EMCN: variants seen among roughly 807,000 people sequenced by gnomAD.
EMCN encodes MUC-14.
EMCN carries 37 observed loss-of-function variants against 38.4 expected under a neutral mutation model. The ratio of observed to expected loss-of-function variants is 0.96; its 90% CI spans 0.74 to 1.27. The LOEUF (loss-of-function observed/expected upper bound fraction) is 1.27. Among genes scored for constraint, EMCN ranks in the 50% most tolerant of loss-of-function variants. EMCN has a pLI of 0.00. For missense variants in EMCN, 318 were observed against 302.8 expected, an observed-to-expected ratio of 1.05 and a Z score of -0.37; for synonymous variants, 95 against 100.8, an observed-to-expected ratio of 0.94 and a Z score of 0.35.
At chr4:100,433,962 A>G (rs112504972) in intron 5 of EMCN, among the ~76,000 whole-genome samples, 4,694 of 152,268 alleles carry the variant, frequency 0.031, 252 homozygotes, top group African/African-American at 0.11. Context: ...CACAATTAAA[A>G]GAACTAGAGA....
At chr4:100,419,181 G>C (rs970807361) in intron 8 of EMCN, among the ~76,000 whole-genome samples, 1 of 152,054 alleles carries the variant, frequency 6.6e-6, no homozygotes, top group South Asian at 2.1e-4. Flanking sequence ...TTTGGTTAAA[G>C]TTCAGTCCAC....
intron 1 of EMCN, among the ~76,000 whole-genome samples, chr4:100,516,938 TCA>T (rs951778559): frequency 1.3e-5 from 2 of 152,128 alleles, no homozygotes; most frequent in Non-Finnish European, 2.9e-5. Context: ...TCTTCAATTT[TCA>T]CACTTATTAA....
chr4:100,494,666 G>A (rs1488077405), intron 1 of EMCN, among the ~76,000 whole-genome samples: 1 of 152,054 alleles, frequency 6.6e-6, no homozygotes. Context: ...CACATGGTCA[G>A]GTGTACCCTT....
chr4:100,439,938 A>G (rs1727463869), intron 5 of EMCN, among the ~76,000 whole-genome samples: 1 of 152,004 alleles, frequency 6.6e-6, no homozygotes, highest in African/African-American at 2.4e-5. Flanking sequence ...TGGATTTTCA[A>G]GATTCCTCTT....
chr4:100,494,064 C>T (rs536551448), intron 1 of EMCN, among the ~76,000 whole-genome samples: 1 of 152,156 alleles, frequency 6.6e-6, no homozygotes, highest in Non-Finnish European at 1.5e-5. Flanking sequence ...CCCAGTTTCT[C>T]CACATTGGAT....
chr4:100,512,873 T>C (rs1199038667), intron 1 of EMCN, among the ~76,000 whole-genome samples: 1 of 151,986 alleles, frequency 6.6e-6, no homozygotes, highest in Non-Finnish European at 1.5e-5. Context: ...CATGTTGTTC[T>C]TAAAGACAAA....
intron 10 of EMCN, among the ~76,000 whole-genome samples, chr4:100,413,202 CAAAT>C (rs1402740692): frequency 1.3e-5 from 2 of 152,100 alleles, no homozygotes; most frequent in African/African-American, 4.8e-5. Context: ...GGTCTTGAAA[CAAAT>C]AAAGTAAATT....
At chr4:100,512,603 G>A (rs1455224752) in intron 1 of EMCN, among the ~76,000 whole-genome samples, 5 of 152,006 alleles carry the variant, frequency 3.3e-5, no homozygotes, top group African/African-American at 7.2e-5. Context: ...TCAGGAGTTC[G>A]CAACCAGTCT....
chr4:100,516,356 C>T (rs1279575026), intron 1 of EMCN, among the ~76,000 whole-genome samples: 5 of 151,956 alleles, frequency 3.3e-5, no homozygotes, highest in South Asian at 2.1e-4. Context: ...ACAATGCCGG[C>T]AAAGTATTGC....
In EMCN at chr4:100,411,754, T is replaced by A. The variant is rs73833315; in HGVS notation, c.752-1399A>T. ...TAGTTTCAGCCATGAAGAAATATTA[T>A]AAGGCAGTAATATATGTTAATTTGC... On this transcript the variant is annotated intron_variant, in intron 10 of 11. Transcript: ENST00000296420. Among the ~76,000 whole-genome samples, 1,493 of 152,298 alleles carry A rather than the reference T, an allele frequency of 9.8e-3. 14 individuals are homozygous for A. Among genetic ancestry groups the A allele is most frequent in the African/African-American group, 0.024 (981 of 41,554 alleles).
intron 4 of EMCN, among the ~76,000 whole-genome samples, chr4:100,463,848 G>A (rs1000121858): frequency 5.9e-5 from 9 of 152,188 alleles, no homozygotes; most frequent in Admixed American, 1.3e-4. Flanking sequence ...AAATTGGGTT[G>A]TGTCCTCTAA....
chr4:100,481,687 A>G lies in EMCN; in HGVS notation c.65-1648T>C, dbSNP rs748924624. 1.3e-5 allele frequency among the ~76,000 whole-genome samples: 2 copies of G among 152,076 alleles called. 1 individual carries two copies. The highest frequency in any genetic ancestry group is 2.9e-5 in the Non-Finnish European group (2 of 67,978). On this transcript the variant is annotated intron_variant, in intron 1 of 11. Coordinates refer to ENST00000296420, the MANE Select transcript of EMCN (RefSeq NM_016242.4). Reference sequence around the variant, plus strand: ...CCTTAACTTCTATGATGTAACACTAATTTTAAATTTCATATTGAGGTTGAA... The same window carrying G: ...CCTTAACTTCTATGATGTAACACTAGTTTTAAATTTCATATTGAGGTTGAA...
At chr4:100,490,549 ACT>A (rs1214378726) in intron 1 of EMCN, among the ~76,000 whole-genome samples, 1 of 152,090 alleles carries the variant, frequency 6.6e-6, no homozygotes, top group Non-Finnish European at 1.5e-5. Flanking sequence ...ATACAGGTGT[ACT>A]GTTTTTACTG....
At position 100,421,375 on chromosome 4, in the gene EMCN, T is replaced by C; in HGVS notation, c.571A>G (p.Ile191Val). ...AAAGCAATAACCACCGGCAAAATAA[T>C]ACCTAAAAAGAATTGGAGACATTGT... The part of the protein sequence containing the change: ...TSATSRSYSS[I>V]ILPVVIALIV... The change falls in exon 8 of 12, where the codon ATT becomes GTT. Residue 191 changes from isoleucine (I) to valine (V), a missense_variant and splice_region_variant. Physicochemically the swap from Ile to Val is conservative, Grantham distance 29. Coordinates refer to ENST00000296420, the MANE Select transcript of EMCN (RefSeq NM_016242.4). The C allele has an allele frequency of 6.2e-7, 1 of 1,610,952 alleles. No individual in the cohort carries two copies. Among genetic ancestry groups the C allele is most frequent in the South Asian group, 1.1e-5 (1 of 90,920 alleles).
intron 3 of EMCN, among the ~76,000 whole-genome samples, chr4:100,472,927 G>A (rs1560629877): frequency 1.3e-5 from 2 of 149,098 alleles, no homozygotes. Context: ...TTTATAGATA[G>A]ATAGATAGAT....
chr4:100,452,555 G>A (rs1012107878), intron 4 of EMCN, among the ~76,000 whole-genome samples: 5 of 151,958 alleles, frequency 3.3e-5, no homozygotes, highest in African/African-American at 1.2e-4. Flanking sequence ...TTACAATTCA[G>A]TAAAGGGAAA....
chr4:100,483,980 T>G (rs1319667440), intron 1 of EMCN, among the ~76,000 whole-genome samples: 1 of 152,176 alleles, frequency 6.6e-6, no homozygotes, highest in East Asian at 1.9e-4. Context: ...CAGATAGCGC[T>G]GCTCTTGGGA....
intron 4 of EMCN, among the ~76,000 whole-genome samples, chr4:100,463,699 G>A (rs918929529): frequency 1.2e-4 from 18 of 152,044 alleles, no homozygotes; most frequent in African/African-American, 4.3e-4. Flanking sequence ...CCTGCTTTCT[G>A]TCCCTATAAA....
intron 1 of EMCN, among the ~76,000 whole-genome samples, chr4:100,496,608 G>GA (rs1391016587): frequency 6.6e-6 from 1 of 152,044 alleles, no homozygotes; most frequent in Non-Finnish European, 1.5e-5. Context: ...CAAATAATGT[G>GA]AAAAAAGTAA....
Sources: allele counts gnomAD v4.1 joint callset (sites outside exome capture counted in the v4.1 genomes callset), GRCh38; gene constraint gnomAD v4.1.1; transcripts MANE v1.5; gene names NCBI Gene and HGNC (gene_info 2026-07-23, HGNC 2026-07-21).